Variants in KICS2 observed in about 807,000 individuals in gnomAD.
KICS2 encodes the protein KICSTOR complex protein C12orf66.
KICS2 carries 13 observed loss-of-function variants against 31.4 expected under a neutral mutation model. The ratio of observed to expected loss-of-function variants is 0.41; its 90% confidence interval spans 0.27 to 0.66. The LOEUF (loss-of-function observed/expected upper bound fraction) is 0.66. Among genes scored for constraint, KICS2 ranks in the 30% least tolerant of loss-of-function variants. KICS2 has a pLI of 0.28. For missense variants in KICS2, 455 were observed against 545.4 expected (o/e 0.83, Z 1.65); for synonymous variants, 209 against 214.8 (o/e 0.97, Z 0.24).
At chr12:64,186,347 T>C (rs1402170453), downstream of KICS2, 2 of 152,166 alleles carry the variant, frequency 1.3e-5, no homozygotes, top group African/African-American at 4.8e-5. Flanking sequence ...AGGTAACCAA[T>C]AAGACTGTTA....
chr12:64,207,384 A>G (rs2037549170), intron 2 of KICS2, among the ~76,000 whole-genome samples: 1 of 151,734 alleles, frequency 6.6e-6, no homozygotes, highest in African/African-American at 2.4e-5. Flanking sequence ...GCAGGGGGAA[A>G]GAGTAGGCAG....
intron 2 of KICS2, chr12:64,204,843 TTAGCATGTCCCCTATA>T (rs1377478618): frequency 6.6e-6 from 1 of 152,098 alleles, no homozygotes; most frequent in Non-Finnish European, 1.5e-5. Context: ...ACAGAGAAGA[TTAGCATGTCCCCTATA>T]CAAGGATAAC....
chr12:64,196,359 G>A (rs1329178962), intron 2 of KICS2, among the ~76,000 whole-genome samples: 1 of 151,536 alleles, frequency 6.6e-6, no homozygotes, highest in Non-Finnish European at 1.5e-5. Flanking sequence ...TCACACGGCA[G>A]GGTATTCCAA....
At chr12:64,217,913 A>AAAGG (rs374258646) in intron 1 of KICS2, among the ~76,000 whole-genome samples, 21 of 152,160 alleles carry the variant, frequency 1.4e-4, no homozygotes, top group Admixed American at 4.6e-4. Flanking sequence ...AGAAAAGAAG[A>AAAGG]AAGGAAGGAA....
chr12:64,207,774 C>T (rs1338779545), intron 2 of KICS2, among the ~76,000 whole-genome samples: 1 of 152,110 alleles, frequency 6.6e-6, no homozygotes, highest in African/African-American at 2.4e-5. Flanking sequence ...TCCTAGTAGG[C>T]CTGCAAACAC....
intron 2 of KICS2, among the ~76,000 whole-genome samples, chr12:64,194,945 T>TA (rs2037419359): frequency 1.3e-5 from 2 of 151,712 alleles, no homozygotes; most frequent in African/African-American, 4.9e-5. Flanking sequence ...CATTTTTTTT[T>TA]TTTTATTTAT....
At chr12:64,201,875 C>A (rs941842692) in intron 2 of KICS2, among the ~76,000 whole-genome samples, 1 of 149,196 alleles carries the variant, frequency 6.7e-6, no homozygotes, top group African/African-American at 2.5e-5. Context: ...CAAATGGTGA[C>A]CCAATAAGAA....
At position 64,192,453 on chromosome 12, in the gene KICS2, A is replaced by G. The variant is rs76060762; in HGVS notation, c.*1389T>C. 28 of 271,732 alleles carry G rather than the reference A, an allele frequency of 1.0e-4. No homozygotes were observed. The East Asian group carries it at 4.4e-3, about 43-fold the overall frequency. 16.8% of individuals were successfully genotyped at this position (271,732 alleles called of 1,614,324 possible). A position where few individuals can be genotyped will look rare whatever the true frequency, so the allele number is the denominator to read the frequency against. Reference sequence around the variant, plus strand: ...TCTTCTTTCTTCTGCCAGGCAGTCCACCCTAGGTGGGCAGGCTTCCTACAT... The same window carrying G: ...TCTTCTTTCTTCTGCCAGGCAGTCCGCCCTAGGTGGGCAGGCTTCCTACAT... On this transcript the variant is annotated 3_prime_UTR_variant, in exon 3 of 3. Coordinates refer to ENST00000398055, the MANE Select transcript of KICS2 (RefSeq NM_152440.5).
At chr12:64,213,442 G>A (rs1348199273) in intron 2 of KICS2, among the ~76,000 whole-genome samples, 4 of 152,254 alleles carry the variant, frequency 2.6e-5, no homozygotes, top group African/African-American at 7.2e-5. Flanking sequence ...TCTATAAAAG[G>A]TGCACTATTT....
At chr12:64,214,741 C>G (rs2037612828) in intron 2 of KICS2, among the ~76,000 whole-genome samples, 2 of 152,056 alleles carry the variant, frequency 1.3e-5, no homozygotes, top group South Asian at 4.1e-4. Context: ...ATTAGCCAGG[C>G]ATAGTGGCAT....
chr12:64,188,269 A>G (rs779245367), downstream of KICS2, among the ~76,000 whole-genome samples: 1 of 152,204 alleles, frequency 6.6e-6, no homozygotes, highest in African/African-American at 2.4e-5. Context: ...TCACGTCTGT[A>G]ATCCCAGCAC....
intron 2 of KICS2, among the ~76,000 whole-genome samples, chr12:64,210,935 C>A (rs575304952): frequency 4.9e-4 from 75 of 152,214 alleles, no homozygotes; most frequent in African/African-American, 1.7e-3. Context: ...TCTTAGTTAC[C>A]CAATTTTTTT....
downstream of KICS2, among the ~76,000 whole-genome samples, chr12:64,188,383 G>A (rs780980977): frequency 1.3e-5 from 2 of 152,150 alleles, no homozygotes; most frequent in Non-Finnish European, 2.9e-5. Flanking sequence ...AATTAGCCGG[G>A]CATGGTGGCG....
intron 2 of KICS2, among the ~76,000 whole-genome samples, chr12:64,208,377 T>A (rs1382679208): frequency 6.6e-6 from 1 of 152,224 alleles, no homozygotes; most frequent in African/African-American, 2.4e-5. Flanking sequence ...AGGTAGCAGA[T>A]GAATTTGAAA....
At chr12:64,217,226 A>C (rs539658832) in intron 1 of KICS2, among the ~76,000 whole-genome samples, 59 of 152,304 alleles carry the variant, frequency 3.9e-4, no homozygotes, top group African/African-American at 1.4e-3. Context: ...AAATCTTTAT[A>C]AGGTTTTAAA....
chr12:64,192,453 A>T lies in KICS2; in HGVS notation c.*1389T>A. On this transcript the variant is annotated 3_prime_UTR_variant, in exon 3 of 3. Coordinates refer to ENST00000398055, the MANE Select transcript of KICS2 (RefSeq NM_152440.5). Reference sequence around the variant, plus strand: ...TCTTCTTTCTTCTGCCAGGCAGTCCACCCTAGGTGGGCAGGCTTCCTACAT... The same window carrying T: ...TCTTCTTTCTTCTGCCAGGCAGTCCTCCCTAGGTGGGCAGGCTTCCTACAT... The T allele has an allele frequency of 3.7e-6, 1 of 271,732 alleles. No individual in the cohort carries two copies. Among genetic ancestry groups the T allele is most frequent in the Non-Finnish European group, 5.6e-6 (1 of 177,842 alleles). The allele number at this position is 271,732 out of a possible 1,614,324, so 16.8% of individuals were successfully genotyped here. A position where few individuals can be genotyped will look rare whatever the true frequency, so the allele number is the denominator to read the frequency against.
At chr12:64,208,139 A>G (rs1346290551) in intron 2 of KICS2, among the ~76,000 whole-genome samples, 1 of 152,070 alleles carries the variant, frequency 6.6e-6, no homozygotes, top group African/African-American at 2.4e-5. Context: ...CCTCCCAAGT[A>G]CCTGGGATTA....
intron 1 of KICS2, among the ~76,000 whole-genome samples, chr12:64,217,412 A>G (rs930057009): frequency 2.6e-5 from 4 of 152,120 alleles, no homozygotes; most frequent in African/African-American, 9.7e-5. Context: ...CATTAGAAGA[A>G]GAAGAATTGT....
chr12:64,190,717 C>G (rs970956969), downstream of KICS2, among the ~76,000 whole-genome samples: 17 of 151,788 alleles, frequency 1.1e-4, no homozygotes, highest in Non-Finnish European at 2.9e-5. Flanking sequence ...CCACTGTACT[C>G]CAGCCTGGGC....
Sources: allele counts gnomAD v4.1 joint callset (sites outside exome capture counted in the v4.1 genomes callset), GRCh38; gene constraint gnomAD v4.1.1; transcripts MANE v1.5; gene names NCBI Gene and HGNC (gene_info 2026-07-23, HGNC 2026-07-21).